MATN2: variants seen among roughly 807,000 people sequenced by gnomAD.
MATN2 encodes the protein matrilin-2.
In MATN2, 69 loss-of-function variants were observed where a neutral mutation model predicts 103.2. The observed-to-expected ratio is 0.67, with a 90% CI of 0.55 to 0.82. MATN2 has a LOEUF of 0.82. Ranked by LOEUF, MATN2 falls within the 40% of genes least tolerant of loss-of-function variation. The pLI is 0.00. For missense variants in MATN2, 1,023 were observed against 1,211.5 expected, an observed-to-expected ratio of 0.84 and a Z score of 2.31; for synonymous variants, 429 against 450.2, an observed-to-expected ratio of 0.95 and a Z score of 0.60.
intron 2 of MATN2, among the ~76,000 whole-genome samples, chr8:97,919,612 C>G (rs1206584317): frequency 6.6e-6 from 1 of 152,178 alleles, no homozygotes; most frequent in African/African-American, 2.4e-5. Flanking sequence ...TGCTGACCAG[C>G]GTTCCCAGCC....
chr8:97,967,921 C>A (rs997167601), intron 5 of MATN2, among the ~76,000 whole-genome samples: 1 of 152,246 alleles, frequency 6.6e-6, no homozygotes, highest in Non-Finnish European at 1.5e-5. Context: ...TGAGGCTTCA[C>A]CCCTGCAGCA....
At chr8:97,988,736 C>T (rs1180009389) in intron 6 of MATN2, among the ~76,000 whole-genome samples, 2 of 152,038 alleles carry the variant, frequency 1.3e-5, no homozygotes, top group Non-Finnish European at 2.9e-5. Flanking sequence ...ACCTAGTTGG[C>T]TTAACTGGTG....
chr8:97,876,168 C>G (rs1390573412), intron 1 of MATN2, among the ~76,000 whole-genome samples: 1 of 150,098 alleles, frequency 6.7e-6, no homozygotes. Flanking sequence ...TGTGCCACCA[C>G]GCTTGGCTAA....
chr8:97,927,541 G>A (rs971180202), intron 2 of MATN2, among the ~76,000 whole-genome samples: 1 of 152,120 alleles, frequency 6.6e-6, no homozygotes, highest in Non-Finnish European at 1.5e-5. Context: ...GCCCTTTCAG[G>A]GACAAGCTAT....
intron 12 of MATN2, among the ~76,000 whole-genome samples, chr8:98,019,026 A>G (rs1240829309): frequency 6.7e-6 from 1 of 149,278 alleles, no homozygotes; most frequent in Non-Finnish European, 1.5e-5. Flanking sequence ...TCTATTATAT[A>G]TAAATATAAT....
At chr8:98,011,223 C>T (rs1471120707) in intron 10 of MATN2, among the ~76,000 whole-genome samples, 1 of 152,166 alleles carries the variant, frequency 6.6e-6, no homozygotes, top group African/African-American at 2.4e-5. Context: ...ATCCTGCCCT[C>T]ACAACCCCAT....
intron 13 of MATN2, chr8:98,025,792 T>C (rs1813774317): frequency 4.2e-5 from 18 of 430,478 alleles, no homozygotes; most frequent in South Asian, 2.8e-4. Flanking sequence ...CTGTCCATTT[T>C]TCTTTTGCAG....
Position 97,931,152 on chromosome 8 carries a change from C to G in MATN2, c.342C>G (p.Phe114Leu). ...AGAATGAGTTCTCCCTCAAGACCTT[C>G]AAGAGGAAGTCCGAGGTGGAGCGTG... ...TVKNEFSLKT[F>L]KRKSEVERAV... Residue 114 changes from phenylalanine (F) to leucine (L), a missense_variant, in exon 3 of 19, where the codon TTC becomes TTG. Phe to Leu is a conservative substitution (Grantham distance 22). Coordinates refer to ENST00000254898, the MANE Select transcript of MATN2 (RefSeq NM_002380.5). This position sits in a 1 kb window ranked among gnomAD's most constrained non-coding sequence, Gnocchi z 4.1. 6.2e-7 allele frequency: 1 copy of G among 1,613,868 alleles called. No homozygotes were observed. The highest frequency in any genetic ancestry group is 1.1e-5 in the South Asian group (1 of 91,060).
At chr8:97,895,838 G>T (rs1234772472) in intron 2 of MATN2, among the ~76,000 whole-genome samples, 1 of 152,168 alleles carries the variant, frequency 6.6e-6, no homozygotes, top group Non-Finnish European at 1.5e-5. Context: ...GGCTCAGATA[G>T]GTTAAGCAGT....
At chr8:97,967,838 C>T (rs1043984141) in intron 5 of MATN2, among the ~76,000 whole-genome samples, 1 of 152,242 alleles carries the variant, frequency 6.6e-6, no homozygotes, top group African/African-American at 2.4e-5. Context: ...CTAGGCAGTG[C>T]CCCAGTAGGG....
At chr8:98,029,873 C>G (rs1563736752) in intron 14 of MATN2, among the ~76,000 whole-genome samples, 3 of 152,136 alleles carry the variant, frequency 2.0e-5, no homozygotes, top group African/African-American at 7.2e-5. Context: ...AAACGCATAT[C>G]CCTGTTGAAA....
chr8:97,998,588 T>C (rs1267406671), intron 7 of MATN2, among the ~76,000 whole-genome samples: 1 of 151,110 alleles, frequency 6.6e-6, no homozygotes, highest in Non-Finnish European at 1.5e-5. Context: ...TTTTTAAAAA[T>C]GTTTTTCTTT....
chr8:98,030,946 A>G (rs991790493), intron 15 of MATN2, among the ~76,000 whole-genome samples: 16 of 152,120 alleles, frequency 1.1e-4, no homozygotes, highest in African/African-American at 3.6e-4. Context: ...TACAGGCGTG[A>G]GCCACCGTGT....
At chr8:97,871,974 A>C (rs867757486) in intron 1 of MATN2, among the ~76,000 whole-genome samples, 8 of 152,080 alleles carry the variant, frequency 5.3e-5, no homozygotes, top group Admixed American at 3.3e-4. Flanking sequence ...AGTTACTTAG[A>C]CTCTCTGTGC....
intron 5 of MATN2, among the ~76,000 whole-genome samples, chr8:97,969,623 A>G (rs2512041): frequency 0.8 from 121,157 of 152,094 alleles, 48,586 homozygotes; most frequent in Admixed American, 0.85. Flanking sequence ...GGGGGAGAGA[A>G]AGAAGAATCA....
intron 13 of MATN2, among the ~76,000 whole-genome samples, chr8:98,024,165 C>T (rs1813703187): frequency 1.3e-5 from 2 of 152,130 alleles, no homozygotes; most frequent in Non-Finnish European, 2.9e-5. Flanking sequence ...CAAACCTGCA[C>T]GTCCTGCAGA....
chr8:97,906,997 CTTTTTTT>C (rs61459656), intron 2 of MATN2, among the ~76,000 whole-genome samples: 1 of 116,144 alleles, frequency 8.6e-6, no homozygotes, highest in Non-Finnish European at 1.8e-5. Context: ...CCATAGCTGA[CTTTTTTT>C]TTTTTTTTTT....
chr8:97,923,559 G>C lies in MATN2; in HGVS notation c.143-7394G>C, dbSNP rs61498438. 5.4e-5 allele frequency among the ~76,000 whole-genome samples: 5 copies of C among 93,136 alleles called. No individual in the cohort carries two copies. The South Asian group carries it at 1.9e-3, about 35-fold the overall frequency. The allele number at this position is 93,136 out of a possible 152,430, so 61.1% of individuals were successfully genotyped here. A position where few individuals can be genotyped will look rare whatever the true frequency, so the allele number is the denominator to read the frequency against. ...CTTCTCTCTCTCTCTCTCTCTCTCTGTCTCTCTTTTTTTTGAGACGGAGCC... is the reference window on the plus strand; with the variant it reads ...CTTCTCTCTCTCTCTCTCTCTCTCTCTCTCTCTTTTTTTTGAGACGGAGCC... On this transcript the variant is annotated intron_variant, in intron 2 of 18. Coordinates refer to ENST00000254898, the MANE Select transcript of MATN2 (RefSeq NM_002380.5).
chr8:97,957,717 G>C (rs144341341), intron 4 of MATN2, among the ~76,000 whole-genome samples: 52 of 152,304 alleles, frequency 3.4e-4, no homozygotes, highest in African/African-American at 1.2e-3. Flanking sequence ...TCATTAAAGG[G>C]GGAGACTGAC....
Sources: allele counts gnomAD v4.1 joint callset (sites outside exome capture counted in the v4.1 genomes callset), GRCh38; gene constraint gnomAD v4.1.1; non-coding constraint Gnocchi (gnomAD v3.1); transcripts MANE v1.5; gene names NCBI Gene and HGNC (gene_info 2026-07-23, HGNC 2026-07-21).